PPP1R3A: variants seen among roughly 807,000 people sequenced by gnomAD.
The protein encoded by PPP1R3A is protein phosphatase 1 regulatory subunit 3A, also known as RG1.
A neutral mutation model predicts 41.7 loss-of-function variants in PPP1R3A; 29 were observed. The observed-to-expected ratio is 0.70, with a 90% confidence interval of 0.52 to 0.95. PPP1R3A has a LOEUF of 0.95. Ranked by LOEUF, PPP1R3A falls within the 40% of genes least tolerant of loss-of-function variation. The pLI, the probability that PPP1R3A is intolerant of heterozygous loss-of-function variation, is 0.00. For synonymous variants in PPP1R3A, 485 were observed against 453.4 expected (o/e 1.07, Z -0.89); for missense variants, 1,352 against 1,292.4 (o/e 1.05, Z -0.71).
intron 1 of PPP1R3A, among the ~76,000 whole-genome samples, chr7:113,890,282 G>A (rs140142519): frequency 3.4e-4 from 52 of 152,214 alleles, no homozygotes; most frequent in Non-Finnish European, 6.8e-4. Flanking sequence ...CTATTCAGGG[G>A]CCAGAAATCG....
chr7:113,879,751 G>A lies in PPP1R3A; in HGVS notation c.1341C>T (p.Gly447=), dbSNP rs1359382181. The A allele has an allele frequency of 6.2e-7, 1 of 1,613,288 alleles. No individual in the cohort carries two copies. Among genetic ancestry groups the A allele is most frequent in the Non-Finnish European group, 8.5e-7 (1 of 1,179,676 alleles). The change falls in exon 4 of 4, where the codon GGC becomes GGT. Residue 447 remains glycine (G), a synonymous_variant. Coordinates refer to ENST00000284601, the MANE Select transcript of PPP1R3A (RefSeq NM_002711.4). ...VLDDNANPAH[G]NGTVQIPCPS... ...GGCAAGGTATTTGCACTGTGCCATT[G>A]CCATGGGCTGGATTAGCATTATCAT... is the stretch of plus-strand genomic sequence containing the variant.
intron 1 of PPP1R3A, among the ~76,000 whole-genome samples, chr7:113,894,179 C>A (rs957935753): frequency 6.6e-6 from 1 of 151,814 alleles, no homozygotes; most frequent in Non-Finnish European, 1.5e-5. Flanking sequence ...TCTGGGAGGT[C>A]CAAGTGCGAA....
chr7:113,906,756 G>A (rs1054823546), intron 1 of PPP1R3A, among the ~76,000 whole-genome samples: 3 of 151,756 alleles, frequency 2.0e-5, no homozygotes, highest in African/African-American at 7.2e-5. Context: ...AAAGGTTTTT[G>A]TTGGTCACAT....
At chr7:113,906,740 T>C (rs1023460668) in intron 1 of PPP1R3A, among the ~76,000 whole-genome samples, 2 of 151,824 alleles carry the variant, frequency 1.3e-5, no homozygotes, top group Non-Finnish European at 2.9e-5. Flanking sequence ...GCATTAATAG[T>C]TTTTCAAAGG....
At chr7:113,882,225 A>T (rs1157454083) in intron 2 of PPP1R3A, 37 bp downstream of exon 2, 3 of 1,581,124 alleles carry the variant, frequency 1.9e-6, no homozygotes, top group African/African-American at 1.3e-5. Flanking sequence ...TTCACAAAAG[A>T]GACAAATTTG....
chr7:113,882,056 T>A lies in PPP1R3A; in HGVS notation c.949A>T (p.Lys317Ter). The change falls in exon 3 of 4, where the codon AAA (lysine) becomes TAA (stop). Residue 317 changes from lysine (K) to a stop codon, truncating the protein, a stop_gained. Transcript: ENST00000284601. LOFTEE classifies it low-confidence loss of function (END_TRUNC). ...VNREHDEHNEKELELMINQHL... is the reference protein window; with the variant it reads ...VNREHDEHNE ...ACACTTACCATCAACTCTAATTCTT[T>A]TTCATTATGTTCATCATGTTCCCTG... 2 of 1,612,562 alleles carry A rather than the reference T, an allele frequency of 1.2e-6. No homozygotes were observed. The highest frequency in any genetic ancestry group is 1.7e-6 in the Non-Finnish European group (2 of 1,178,976).
At chr7:113,904,368 T>C (rs777921212) in intron 1 of PPP1R3A, among the ~76,000 whole-genome samples, 1 of 151,722 alleles carries the variant, frequency 6.6e-6, no homozygotes. Context: ...TACTACAATG[T>C]AACTGTGAAG....
chr7:113,891,563 A>T (rs980449325), intron 1 of PPP1R3A, among the ~76,000 whole-genome samples: 1 of 152,070 alleles, frequency 6.6e-6, no homozygotes, highest in Non-Finnish European at 1.5e-5. Context: ...CTTCAGTGAC[A>T]GTAACCTTTT....
chr7:113,915,968 G>A (rs1360417513), intron 1 of PPP1R3A, among the ~76,000 whole-genome samples: 1 of 151,878 alleles, frequency 6.6e-6, no homozygotes, highest in Non-Finnish European at 1.5e-5. Context: ...ATTATATCAT[G>A]GAAAAGCTGT....
chr7:113,901,752 G>A (rs1436565668), intron 1 of PPP1R3A, among the ~76,000 whole-genome samples: 11 of 151,716 alleles, frequency 7.3e-5, no homozygotes, highest in Non-Finnish European at 1.5e-4. Flanking sequence ...GGTGTCAAAA[G>A]TATTATTTTC....
At chr7:113,896,742 A>C (rs1796981691) in intron 1 of PPP1R3A, among the ~76,000 whole-genome samples, 1 of 151,990 alleles carries the variant, frequency 6.6e-6, no homozygotes, top group Non-Finnish European at 1.5e-5. Context: ...AAATGAGGAA[A>C]CAGATGTAAG....
chr7:113,878,596 A>C lies in PPP1R3A; in HGVS notation c.2496T>G (p.His832Gln). 1 of 1,613,508 alleles carries C rather than the reference A, an allele frequency of 6.2e-7. No individual in the cohort carries two copies. Among genetic ancestry groups the C allele is most frequent in the Non-Finnish European group, 8.5e-7 (1 of 1,179,688 alleles). ...TMSMYNPRKT[H>Q]DREKCGTGNI... Reference sequence around the variant, plus strand: ...TTCCAGTGCCACATTTCTCCCTGTCATGTGTCTTCCTAGGATTGTACATAG... The same window carrying C: ...TTCCAGTGCCACATTTCTCCCTGTCCTGTGTCTTCCTAGGATTGTACATAG... The change falls in exon 4 of 4, where the codon CAT becomes CAG. Residue 832 changes from histidine (H) to glutamine (Q), a missense_variant. By Grantham distance (24) the His-to-Gln change is conservative (BLOSUM62 0). Coordinates refer to ENST00000284601, the MANE Select transcript of PPP1R3A (RefSeq NM_002711.4).
intron 1 of PPP1R3A, among the ~76,000 whole-genome samples, chr7:113,896,550 T>C (rs1280452783): frequency 6.6e-6 from 1 of 151,866 alleles, no homozygotes; most frequent in African/African-American, 2.4e-5. Flanking sequence ...AAAGCACTTG[T>C]TTTTAAAAAT....
chr7:113,917,472 T>G (rs1177423788), intron 1 of PPP1R3A, among the ~76,000 whole-genome samples: 3 of 152,080 alleles, frequency 2.0e-5, no homozygotes, highest in African/African-American at 2.4e-5. Flanking sequence ...AGGTTACTAA[T>G]GAGGGGTCAC....
chr7:113,883,538 TATATAA>T (rs928661715), intron 1 of PPP1R3A, among the ~76,000 whole-genome samples: 2 of 152,074 alleles, frequency 1.3e-5, no homozygotes, highest in Admixed American at 6.6e-5. Flanking sequence ...ATAATGCTTC[TATATAA>T]ATATAATTTT....
At chr7:113,882,865 C>T (rs1796717607) in intron 1 of PPP1R3A, among the ~76,000 whole-genome samples, 2 of 151,836 alleles carry the variant, frequency 1.3e-5, no homozygotes, top group African/African-American at 4.8e-5. Flanking sequence ...AAGAAACAAG[C>T]TAACTAAAAA....
chr7:113,877,052 C>T lies in PPP1R3A; in HGVS notation c.*671G>A, dbSNP rs2129112159. On this transcript the variant is annotated 3_prime_UTR_variant, in exon 4 of 4. Transcript: ENST00000284601. ...TTTTTCAGAATTGAAAGATAATCTC[C>T]CAATTGTTTCAGTCTTGTCAGATTT... 6.6e-6 allele frequency: 1 copy of T among 151,972 alleles called. No individual in the cohort carries two copies. Among genetic ancestry groups the T allele is most frequent in the South Asian group, 2.1e-4 (1 of 4,830 alleles). The allele number at this position is 151,972 out of a possible 1,614,324, so 9.4% of individuals were successfully genotyped here. A position where few individuals can be genotyped will look rare whatever the true frequency, so the allele number is the denominator to read the frequency against.
At chr7:113,896,416 T>C (rs1019929018) in intron 1 of PPP1R3A, among the ~76,000 whole-genome samples, 1 of 151,870 alleles carries the variant, frequency 6.6e-6, no homozygotes, top group Non-Finnish European at 1.5e-5. Flanking sequence ...TAAAGCTAGT[T>C]TATACATACA....
At chr7:113,904,087 T>G (rs561680433) in intron 1 of PPP1R3A, among the ~76,000 whole-genome samples, 1 of 151,720 alleles carries the variant, frequency 6.6e-6, no homozygotes, top group Admixed American at 6.6e-5. Context: ...GTAAATACCA[T>G]GTCGATAGCT....
Sources: allele counts gnomAD v4.1 joint callset (sites outside exome capture counted in the v4.1 genomes callset), GRCh38; gene constraint gnomAD v4.1.1; transcripts MANE v1.5; gene names NCBI Gene and HGNC (gene_info 2026-07-23, HGNC 2026-07-21).